Variants in AGBL4 observed in about 807,000 individuals in gnomAD.
The protein encoded by AGBL4 is cytosolic carboxypeptidase 6.
In AGBL4, 58 loss-of-function variants were observed where a neutral mutation model predicts 66.4. That is an observed-to-expected ratio of 0.87 (90% CI 0.71 to 1.09). The LOEUF is 1.09. Among genes scored for constraint, AGBL4 ranks in the 50% least tolerant of loss-of-function variants. The pLI, the probability that AGBL4 is intolerant of heterozygous loss-of-function variation, is 0.00. For missense variants in AGBL4, 579 were observed against 631.0 expected (o/e 0.92, Z 0.88); for synonymous variants, 234 against 222.9 (o/e 1.05, Z -0.44).
At chr1:49,078,066 A>C (rs1644743731) in intron 4 of AGBL4, among the ~76,000 whole-genome samples, 2 of 152,136 alleles carry the variant, frequency 1.3e-5, no homozygotes, top group South Asian at 4.1e-4. Flanking sequence ...TTAGGAACAA[A>C]ATCCTGATGT....
chr1:49,161,964 G>T (rs1219871809), intron 4 of AGBL4, among the ~76,000 whole-genome samples: 1 of 152,144 alleles, frequency 6.6e-6, no homozygotes, highest in African/African-American at 2.4e-5. Flanking sequence ...TCTGCAAAAT[G>T]AAGGTAAAAT....
At chr1:49,503,571 A>G (rs1013658140) in intron 3 of AGBL4, among the ~76,000 whole-genome samples, 1 of 152,116 alleles carries the variant, frequency 6.6e-6, no homozygotes, top group African/African-American at 2.4e-5. Flanking sequence ...TGGATGCTGT[A>G]CCCTGCAAAG....
chr1:49,948,042 A>AT (rs1167070538), intron 1 of AGBL4, among the ~76,000 whole-genome samples: 27 of 7,802 alleles, frequency 3.5e-3, no homozygotes, highest in Non-Finnish European at 9.0e-3. Flanking sequence ...ATATACATAT[A>AT]AATATATAAA....
At chr1:48,658,486 C>G (rs191711247) in intron 7 of AGBL4, among the ~76,000 whole-genome samples, 1 of 152,326 alleles carries the variant, frequency 6.6e-6, no homozygotes, top group East Asian at 1.9e-4. Flanking sequence ...CTGCCCTCAG[C>G]TGAGTCCAAG....
At chr1:49,446,493 A>C (rs1414951389) in intron 3 of AGBL4, among the ~76,000 whole-genome samples, 1 of 152,156 alleles carries the variant, frequency 6.6e-6, no homozygotes, top group African/African-American at 2.4e-5. Flanking sequence ...TCAGGGAATC[A>C]GGGTGCAGTT....
chr1:49,918,745 C>A (rs1409171350), intron 1 of AGBL4, among the ~76,000 whole-genome samples: 1 of 152,194 alleles, frequency 6.6e-6, no homozygotes, highest in Admixed American at 6.5e-5. Flanking sequence ...ATGAGGCCAA[C>A]ATCATCCTGA....
intron 4 of AGBL4, among the ~76,000 whole-genome samples, chr1:49,099,374 A>G (rs919289346): frequency 6.6e-6 from 1 of 152,170 alleles, no homozygotes; most frequent in Non-Finnish European, 1.5e-5. Flanking sequence ...ATAATTGTAA[A>G]AAGTCATGAA....
intron 6 of AGBL4, among the ~76,000 whole-genome samples, chr1:48,687,656 G>C (rs965388186): frequency 6.6e-6 from 1 of 152,192 alleles, no homozygotes; most frequent in Non-Finnish European, 1.5e-5. Context: ...TGACCTTGAG[G>C]CTACTTCCTG....
chr1:49,043,076 A>G (rs1167901776), intron 5 of AGBL4, among the ~76,000 whole-genome samples: 1 of 152,174 alleles, frequency 6.6e-6, no homozygotes, highest in Non-Finnish European at 1.5e-5. Flanking sequence ...ATCGCAATTC[A>G]TATGTCTGGT....
intron 3 of AGBL4, among the ~76,000 whole-genome samples, chr1:49,578,727 G>A (rs1178367612): frequency 3.3e-5 from 5 of 152,118 alleles, no homozygotes; most frequent in Admixed American, 6.5e-5. Flanking sequence ...ATGAAGGATC[G>A]TTGTATTATG....
At chr1:48,725,310 C>G (rs11205530) in intron 6 of AGBL4, among the ~76,000 whole-genome samples, 44,383 of 152,054 alleles carry the variant, frequency 0.29, 7,032 homozygotes, top group East Asian at 0.64. Flanking sequence ...CCAGACCTAC[C>G]GAATCAGGCT....
chr1:49,983,188 A>G (rs909546405), intron 1 of AGBL4, among the ~76,000 whole-genome samples: 19 of 151,960 alleles, frequency 1.3e-4, no homozygotes, highest in African/African-American at 3.9e-4. Flanking sequence ...GGCAACAAGA[A>G]GGAGAGAAGA....
At chr1:48,906,416 T>C (rs1652592765) in intron 5 of AGBL4, among the ~76,000 whole-genome samples, 1 of 151,764 alleles carries the variant, frequency 6.6e-6, no homozygotes, top group Non-Finnish European at 1.5e-5. Flanking sequence ...GGGAGAAAAG[T>C]ATGTGAGGGA....
intron 3 of AGBL4, among the ~76,000 whole-genome samples, chr1:49,603,779 T>C (rs961855909): frequency 3.9e-5 from 6 of 152,058 alleles, no homozygotes; most frequent in African/African-American, 1.4e-4. Context: ...TGCATACCCA[T>C]AGCTTAGGCC....
chr1:48,538,495 T>A (rs1644009041), intron 12 of AGBL4, among the ~76,000 whole-genome samples: 1 of 152,216 alleles, frequency 6.6e-6, no homozygotes, highest in Non-Finnish European at 1.5e-5. Flanking sequence ...TTTGAACCCA[T>A]GCTGATGAAC....
intron 4 of AGBL4, among the ~76,000 whole-genome samples, chr1:49,154,846 AT>A (rs1646401398): frequency 2.6e-5 from 4 of 152,024 alleles, no homozygotes; most frequent in Admixed American, 6.6e-5. Context: ...CAACATATTG[AT>A]TGTTTTTTCT....
chr1:49,595,500 T>C lies in AGBL4; in HGVS notation c.282+101813A>G, dbSNP rs531305968. Reference sequence around the variant, plus strand: ...TTATTTGTCTACAAAACACTTTTTTTTAAGAAACACCTAAAAATCATCTAG... The same window carrying C: ...TTATTTGTCTACAAAACACTTTTTTCTAAGAAACACCTAAAAATCATCTAG... On this transcript the variant is annotated intron_variant, in intron 3 of 13. Coordinates refer to ENST00000371839, the MANE Select transcript of AGBL4 (RefSeq NM_032785.4). Among the ~76,000 whole-genome samples the C allele has an allele frequency of 2.4e-4, 37 of 152,272 alleles. 1 individual carries two copies. The South Asian group carries it at 7.5e-3, about 31-fold the overall frequency.
At chr1:49,438,923 C>T (rs1645964203) in intron 3 of AGBL4, among the ~76,000 whole-genome samples, 2 of 152,186 alleles carry the variant, frequency 1.3e-5, no homozygotes, top group African/African-American at 4.8e-5. Flanking sequence ...GCTGCATCAT[C>T]ACACAGTAGA....
intron 2 of AGBL4, among the ~76,000 whole-genome samples, chr1:49,761,619 T>G (rs1208648927): frequency 6.6e-6 from 1 of 152,248 alleles, no homozygotes; most frequent in Non-Finnish European, 1.5e-5. Flanking sequence ...ATCAATGTTC[T>G]GATAAATATA....
Sources: allele counts gnomAD v4.1 joint callset (sites outside exome capture counted in the v4.1 genomes callset), GRCh38; gene constraint gnomAD v4.1.1; transcripts MANE v1.5; gene names NCBI Gene and HGNC (gene_info 2026-07-23, HGNC 2026-07-21).